The following NLRP2 variants were observed in gnomAD, a reference collection of about 807,000 sequenced individuals.
The protein encoded by NLRP2 is NLR family pyrin domain containing 2.
A neutral mutation model predicts 97.2 loss-of-function variants in NLRP2; 107 were observed. That is an observed-to-expected ratio of 1.10 (90% CI 0.94 to 1.29). The LOEUF (loss-of-function observed/expected upper bound fraction) is 1.29. Among genes scored for constraint, NLRP2 ranks in the 50% most tolerant of loss-of-function variants. The pLI is 0.00. For synonymous variants in NLRP2, 663 were observed against 551.5 expected (o/e 1.20, Z -2.83); for missense variants, 1,495 against 1,330.3 (o/e 1.12, Z -1.93).
chr19:54,994,968 G>C (rs1255327895), intron 11 of NLRP2, among the ~76,000 whole-genome samples: 1 of 151,644 alleles, frequency 6.6e-6, no homozygotes, highest in African/African-American at 2.4e-5. Flanking sequence ...TAAGGATACA[G>C]TGCCTCAAGC....
intron 8 of NLRP2, among the ~76,000 whole-genome samples, chr19:54,988,737 C>A (rs1347163018): frequency 1.3e-5 from 2 of 152,178 alleles, no homozygotes; most frequent in African/African-American, 4.8e-5. Flanking sequence ...TCCGGCTGGT[C>A]TTAAACTCCT....
chr19:54,996,891 A>T (rs141414188), intron 11 of NLRP2, among the ~76,000 whole-genome samples: 88 of 151,994 alleles, frequency 5.8e-4, no homozygotes, highest in African/African-American at 2.0e-3. Context: ...TTAGCAGATG[A>T]GCCCTGAGGG....
At position 55,001,060 on chromosome 19, in the gene NLRP2, C is replaced by A; in HGVS notation, c.*162C>A. On this transcript the variant is annotated 3_prime_UTR_variant, in exon 13 of 13. Coordinates refer to ENST00000448584, the MANE Select transcript of NLRP2 (RefSeq NM_017852.5). ...ATTCTGCCTCTGTTTTATACCTGCA[C>A]ACATCCTTATCTTTGTTACATATGA... The A allele has an allele frequency of 1.6e-6, 1 of 638,100 alleles. No individual in the cohort carries two copies. The highest frequency in any genetic ancestry group is 2.6e-5 in the Admixed American group (1 of 38,296). The allele number at this position is 638,100 out of a possible 1,614,324, so 39.5% of individuals were successfully genotyped here. A position where few individuals can be genotyped will look rare whatever the true frequency, so the allele number is the denominator to read the frequency against.
In NLRP2 at chr19:54,983,163, C is replaced by G. The variant is rs148374359; in HGVS notation, c.1465C>G (p.Leu489Val). The G allele has an allele frequency of 1.5e-5, 25 of 1,613,848 alleles. No homozygotes were observed. Among genetic ancestry groups the G allele is most frequent in the Non-Finnish European group, 1.9e-5 (22 of 1,180,012 alleles). The change falls in exon 6 of 13, where the codon CTC becomes GTC. Residue 489 changes from leucine to valine, a missense_variant. By Grantham distance (32) the Leu-to-Val change is conservative. Transcript: ENST00000448584. ...CCGTCTGTTCCTGGACGGAGACATC[C>G]TCCGCCAGGACAGAGTCTCCAAAGG... ...DLRLFLDGDI[L>V]RQDRVSKGCY...
chr19:54,975,106 G>GTTTTTTTTTGTTTTTTT (rs2071121739), intron 3 of NLRP2, among the ~76,000 whole-genome samples: 1 of 58,674 alleles, frequency 1.7e-5, no homozygotes, highest in East Asian at 5.0e-4. Flanking sequence ...ACCCGGTTTT[G>GTTTTTTTTTGTTTTTTT]TTTTTTTTTT....
intron 11 of NLRP2, among the ~76,000 whole-genome samples, chr19:54,994,967 A>G (rs2072724954): frequency 1.3e-5 from 2 of 151,792 alleles, no homozygotes; most frequent in Non-Finnish European, 2.9e-5. Context: ...TTAAGGATAC[A>G]GTGCCTCAAG....
chr19:54,971,166 G>T (rs2070830198), intron 2 of NLRP2, among the ~76,000 whole-genome samples: 1 of 150,998 alleles, frequency 6.6e-6, no homozygotes, highest in Admixed American at 6.6e-5. Flanking sequence ...ATTTTTTATG[G>T]CTGCATTGTA....
chr19:54,988,784 C>A (rs1201090077), intron 8 of NLRP2, among the ~76,000 whole-genome samples: 1 of 152,192 alleles, frequency 6.6e-6, no homozygotes, highest in Non-Finnish European at 1.5e-5. Flanking sequence ...TGCCAAAGTC[C>A]TGGGATTACA....
Position 54,966,876 on chromosome 19 carries a change from CTG to C in NLRP2, c.-18+411_-18+412del, listed in dbSNP as rs778689377. ...TCTTCTCTTTTTTGAGGGTCTTACT[CTG>C]TTTCCCAGGCTGGAGCGCTGTGGCA... On this transcript the variant is annotated intron_variant, in intron 1 of 12. Coordinates refer to ENST00000448584, the MANE Select transcript of NLRP2 (RefSeq NM_017852.5). Among the ~76,000 whole-genome samples, 419 of 112,148 alleles carry C rather than the reference CTG, an allele frequency of 3.7e-3. 1 individual carries two copies. Among genetic ancestry groups the C allele is most frequent in the Middle Eastern group, 9.8e-3 (1 of 102 alleles). 73.6% of individuals were successfully genotyped at this position (112,148 alleles called of 152,430 possible).
chr19:54,969,330 T>G (rs995431800), intron 1 of NLRP2, among the ~76,000 whole-genome samples: 1 of 151,872 alleles, frequency 6.6e-6, no homozygotes, highest in Non-Finnish European at 1.5e-5. Context: ...ACAAAAAAAT[T>G]AGCTGGGCAC....
chr19:54,990,433 T>C (rs2072393067), intron 9 of NLRP2, 69 bp from the exon 10 acceptor site: 1 of 1,520,062 alleles, frequency 6.6e-7, no homozygotes, highest in African/African-American at 1.4e-5. Flanking sequence ...ATGCTGGCAC[T>C]TGTGGAGCTA....
rs182050627 is a variant in NLRP2 at position 54,985,300 on chromosome 19, C to G, written c.2201+83C>G. 1.1e-5 allele frequency: 14 copies of G among 1,285,928 alleles called. No individual in the cohort carries two copies. The East Asian group carries it at 3.2e-4, about 30-fold the overall frequency. The allele number at this position is 1,285,928 out of a possible 1,614,324, so 79.7% of individuals were successfully genotyped here. ...TAACATCGGAGCAATATTCAGATTC[C>G]TGTACTAGACTCTTAAGTGCTCGAG... On this transcript the variant is annotated intron_variant, in intron 7 of 12. Coordinates refer to ENST00000448584, the MANE Select transcript of NLRP2 (RefSeq NM_017852.5).
At position 54,990,080 on chromosome 19, in the gene NLRP2, G is replaced by T; in HGVS notation, c.2425G>T (p.Val809Phe). The T allele has an allele frequency of 6.2e-7, 1 of 1,614,098 alleles. No individual in the cohort carries two copies. Among genetic ancestry groups the T allele is most frequent in the Non-Finnish European group, 8.5e-7 (1 of 1,180,024 alleles). Residue 809 changes from valine to phenylalanine, a missense_variant, in exon 9 of 13, where the codon GTC becomes TTC. Val to Phe is a conservative substitution (Grantham distance 50). Transcript: ENST00000448584. The part of the protein sequence containing the change: ...QWADLSLALE[V>F]NQSLTCVNLS... ...GGCTGATCTCTCCTTGGCCCTTGAAGTCAACCAGTCCCTGACGTGCGTAAA... is the reference window on the plus strand; with the variant it reads ...GGCTGATCTCTCCTTGGCCCTTGAATTCAACCAGTCCCTGACGTGCGTAAA...
chr19:54,993,969 A>G (rs1210837842), intron 10 of NLRP2: 2 of 494,136 alleles, frequency 4.0e-6, no homozygotes, highest in Non-Finnish European at 7.3e-6. Flanking sequence ...TTTGACTCTC[A>G]GCTCCCTCTT....
chr19:54,978,162 G>A (rs187828779), intron 4 of NLRP2, among the ~76,000 whole-genome samples: 18 of 151,934 alleles, frequency 1.2e-4, no homozygotes, highest in African/African-American at 3.9e-4. Context: ...AGGTTCAAGC[G>A]ATTCTCCTGA....
chr19:54,970,302 G>A lies in NLRP2; in HGVS notation c.280+7G>A, dbSNP rs201587755. ...GCAAAGGATGAAGTCAGAGGTGAGTGGAAATCGGTCCACACTGTGTCCTAG... is the reference window on the plus strand; with the variant it reads ...GCAAAGGATGAAGTCAGAGGTGAGTAGAAATCGGTCCACACTGTGTCCTAG... On this transcript the variant is annotated splice_region_variant and intron_variant, in intron 2 of 12. Coordinates refer to ENST00000448584, the MANE Select transcript of NLRP2 (RefSeq NM_017852.5). The A allele has an allele frequency of 3.2e-3, 5,091 of 1,613,996 alleles. 16 individuals carry two copies. The highest frequency in any genetic ancestry group is 5.8e-3 in the Middle Eastern group (35 of 6,062).
chr19:54,999,507 T>C (rs1444520883), intron 12 of NLRP2, among the ~76,000 whole-genome samples: 1 of 152,208 alleles, frequency 6.6e-6, no homozygotes, highest in Non-Finnish European at 1.5e-5. Context: ...CCAAAGTGGG[T>C]GATAGAGCGG....
At position 54,990,043 on chromosome 19, in the gene NLRP2, C is replaced by T. The variant is rs761014781; in HGVS notation, c.2388C>T (p.Thr796=). ...RYLGLVSCSA[T]TQQWADLSLA... ...ACAGGTTGGTGTCTTGTTCCGCTACCACTCAGCAGTGGGCTGATCTCTCCT... is the reference window on the plus strand; with the variant it reads ...ACAGGTTGGTGTCTTGTTCCGCTACTACTCAGCAGTGGGCTGATCTCTCCT... The change falls in exon 9 of 13, where the codon ACC becomes ACT. Residue 796 remains threonine (T), a synonymous_variant. Coordinates refer to ENST00000448584, the MANE Select transcript of NLRP2 (RefSeq NM_017852.5). 79 of 1,613,954 alleles carry T rather than the reference C, an allele frequency of 4.9e-5. No homozygotes were observed. The highest frequency in any genetic ancestry group is 6.4e-5 in the Non-Finnish European group (76 of 1,180,026).
Position 54,983,309 on chromosome 19 carries a change from G to A in NLRP2, c.1611G>A (p.Lys537=). ...CCTGGGACATTGGGGACGTACAGAAGCTGCTTTCCGGAGTAGAAAGACTCA... is the reference window on the plus strand; with the variant it reads ...CCTGGGACATTGGGGACGTACAGAAACTGCTTTCCGGAGTAGAAAGACTCA... ...GHTWDIGDVQ[K]LLSGVERLRN... The change falls in exon 6 of 13, where the codon AAG becomes AAA. Residue 537 remains lysine, a synonymous_variant. Coordinates refer to ENST00000448584, the MANE Select transcript of NLRP2 (RefSeq NM_017852.5). The A allele has an allele frequency of 6.2e-7, 1 of 1,614,200 alleles. No individual in the cohort carries two copies. The highest frequency in any genetic ancestry group is 8.5e-7 in the Non-Finnish European group (1 of 1,180,034).
Sources: allele counts gnomAD v4.1 joint callset (sites outside exome capture counted in the v4.1 genomes callset), GRCh38; gene constraint gnomAD v4.1.1; transcripts MANE v1.5; gene names NCBI Gene and HGNC (gene_info 2026-07-23, HGNC 2026-07-21).